The following PKHD1 variants were observed in gnomAD, a reference collection of about 807,000 sequenced individuals.
PKHD1 encodes PKHD1 ciliary IPT domain containing fibrocystin/polyductin.
Under a neutral mutation model 412.0 loss-of-function variants are expected in PKHD1, and 291 were observed. The ratio of observed to expected loss-of-function variants is 0.71; its 90% confidence interval spans 0.64 to 0.78. PKHD1 has a LOEUF of 0.78. Among genes scored for constraint, PKHD1 ranks in the 30% least tolerant of loss-of-function variants. The probability of loss-of-function intolerance (pLI) is 0.00; values close to 1 mark genes in which losing one functional copy is unlikely to be tolerated. For synonymous variants in PKHD1, 1,777 were observed against 1,821.5 expected, an observed-to-expected ratio of 0.98 and a Z score of 0.62; for missense variants, 4,825 against 4,950.7, an observed-to-expected ratio of 0.97 and a Z score of 0.76.
At chr6:52,052,013 T>C (rs1235908470) in intron 21 of PKHD1, among the ~76,000 whole-genome samples, 2 of 152,210 alleles carry the variant, frequency 1.3e-5, no homozygotes, top group East Asian at 1.9e-4. Context: ...TCAAAGATGA[T>C]GTAATTTCAA....
At chr6:51,703,767 AC>A (rs2150719122) in intron 60 of PKHD1, among the ~76,000 whole-genome samples, 1 of 152,092 alleles carries the variant, frequency 6.6e-6, no homozygotes, top group Admixed American at 6.6e-5. Flanking sequence ...AATCTTGCAA[AC>A]TTTTCTCTTC....
intron 52 of PKHD1, among the ~76,000 whole-genome samples, chr6:51,800,998 G>A (rs9395723): frequency 0.35 from 52,530 of 151,950 alleles, 11,177 homozygotes; most frequent in East Asian, 0.68. Flanking sequence ...TATTAAATAT[G>A]TGAACCAAAG....
chr6:51,986,120 T>C (rs1317725733), intron 35 of PKHD1, among the ~76,000 whole-genome samples: 3 of 152,196 alleles, frequency 2.0e-5, no homozygotes, highest in Admixed American at 2.0e-4. Flanking sequence ...GTTATAATGA[T>C]TTCAAGTTAA....
At chr6:51,812,282 T>C (rs1043035998) in intron 52 of PKHD1, among the ~76,000 whole-genome samples, 1 of 152,168 alleles carries the variant, frequency 6.6e-6, no homozygotes, top group African/African-American at 2.4e-5. Flanking sequence ...CCATTGACTT[T>C]TATGCATGCT....
intron 55 of PKHD1, among the ~76,000 whole-genome samples, chr6:51,757,767 C>A (rs1430008139): frequency 2.0e-5 from 3 of 151,880 alleles, no homozygotes; most frequent in African/African-American, 7.3e-5. Context: ...CTTTGGGAAG[C>A]CAAGACAGGA....
At position 52,066,473 on chromosome 6, in the gene PKHD1, T is replaced by A. The variant is rs1235938963; in HGVS notation, c.779-396A>T. Among the ~76,000 whole-genome samples the A allele has an allele frequency of 2.6e-5, 4 of 152,160 alleles. No individual in the cohort carries two copies. The East Asian group carries it at 7.7e-4, about 29-fold the overall frequency. Reference sequence around the variant, plus strand: ...AAAGGCTTCAGTTCACCCATATGAATCTGTAATTTGCTCTAAGCAGAAGAA... The same window carrying A: ...AAAGGCTTCAGTTCACCCATATGAAACTGTAATTTGCTCTAAGCAGAAGAA... On this transcript the variant is annotated intron_variant, in intron 11 of 66. Transcript: ENST00000371117.
At chr6:52,006,595 T>C (rs1182619455) in intron 35 of PKHD1, among the ~76,000 whole-genome samples, 2 of 152,166 alleles carry the variant, frequency 1.3e-5, no homozygotes, top group African/African-American at 4.8e-5. Flanking sequence ...CAGGCTTGTC[T>C]CGAACTCCTG....
At position 51,747,788 on chromosome 6, in the gene PKHD1, T is replaced by C. The variant is rs1424259969; in HGVS notation, c.9828A>G (p.Gln3276=). 6.2e-7 allele frequency: 1 copy of C among 1,612,678 alleles called. No individual in the cohort carries two copies. Among genetic ancestry groups the C allele is most frequent in the East Asian group, 2.2e-5 (1 of 44,870 alleles). The change falls in exon 58 of 67, where the codon CAA becomes CAG. Residue 3276 remains glutamine, a splice_region_variant and synonymous_variant. Coordinates refer to ENST00000371117, the MANE Select transcript of PKHD1 (RefSeq NM_138694.4). ...CCTAGATAAAATAAAACATCCTACC[T>C]TGAAGTTTCATGATTCCTGAAATTG... ...DHSISGIMKL[Q]DVTFSSFVKS...
At chr6:51,745,281 A>G (rs959965270) in intron 59 of PKHD1, among the ~76,000 whole-genome samples, 1 of 152,202 alleles carries the variant, frequency 6.6e-6, no homozygotes, top group East Asian at 1.9e-4. Context: ...TTAATGAAAC[A>G]GTATTAAGAA....
At chr6:51,759,676 C>A (rs908075230) in intron 55 of PKHD1, among the ~76,000 whole-genome samples, 3 of 152,140 alleles carry the variant, frequency 2.0e-5, no homozygotes, top group Admixed American at 2.0e-4. Context: ...CCGATTGCCA[C>A]AATAGCTGCC....
chr6:51,855,833 C>G (rs546209830), intron 49 of PKHD1, 60 bp downstream of exon 49: 234 of 1,319,210 alleles, frequency 1.8e-4, no homozygotes, highest in Admixed American at 2.3e-4. Flanking sequence ...TTATCTCAAA[C>G]AAAGAAAGAT....
At chr6:51,736,522 C>T (rs1271506413) in intron 60 of PKHD1, among the ~76,000 whole-genome samples, 2 of 152,110 alleles carry the variant, frequency 1.3e-5, no homozygotes, top group African/African-American at 2.4e-5. Flanking sequence ...TCTGAGACTC[C>T]ACTGTGCCTT....
In PKHD1 at chr6:52,012,642, G is replaced by A. The variant is rs148665213; in HGVS notation, c.5601-2183C>T. ...TGATGGAATCAAATGCAAAATTCAC[G>A]CAGACTTTTAAAACACCTCACTTCA... On this transcript the variant is annotated intron_variant, in intron 34 of 66. Transcript: ENST00000371117. Among the ~76,000 whole-genome samples, 47 of 152,290 alleles carry A rather than the reference G, an allele frequency of 3.1e-4. No homozygotes were observed. In the East Asian group the frequency reaches 8.9e-3, roughly 29 times the overall value.
intron 60 of PKHD1, among the ~76,000 whole-genome samples, chr6:51,689,137 G>C (rs1777832512): frequency 6.6e-6 from 1 of 152,068 alleles, no homozygotes; most frequent in Non-Finnish European, 1.5e-5. Flanking sequence ...CACATCAAAA[G>C]CTTATCCATC....
chr6:51,834,294 G>T (rs1768794535), intron 51 of PKHD1, among the ~76,000 whole-genome samples: 1 of 152,172 alleles, frequency 6.6e-6, no homozygotes, highest in African/African-American at 2.4e-5. Flanking sequence ...CTTTGAACAA[G>T]ACTAGGGCTG....
At chr6:51,967,638 TTGTG>T (rs111737273) in intron 35 of PKHD1, among the ~76,000 whole-genome samples, 1 of 136,800 alleles carries the variant, frequency 7.3e-6, no homozygotes. Context: ...GTGTGGGAAG[TTGTG>T]TGTGTGTGTG....
rs115948151 is a variant in PKHD1 at position 51,867,468 on chromosome 6, T to C, written c.7733+395A>G. ...CAGCAATTGCTTCCCTGGAGCATAT[T>C]GAACACTTAAAAAGAGCTTGGGAAG... On this transcript the variant is annotated intron_variant, in intron 48 of 66. Coordinates refer to ENST00000371117, the MANE Select transcript of PKHD1 (RefSeq NM_138694.4). Among the ~76,000 whole-genome samples, 1,201 of 152,264 alleles carry C rather than the reference T, an allele frequency of 7.9e-3. 20 individuals carry two copies. Among genetic ancestry groups the C allele is most frequent in the African/African-American group, 0.028 (1,149 of 41,556 alleles).
chr6:52,085,146 C>G (rs1228647631), intron 1 of PKHD1, 129 bp from the exon 2 acceptor site: 5 of 533,314 alleles, frequency 9.4e-6, no homozygotes, highest in Admixed American at 6.3e-5. Context: ...ATGGAGCCAC[C>G]ATTTTTCCAA....
intron 47 of PKHD1, among the ~76,000 whole-genome samples, chr6:51,869,194 C>CTGG (rs988108498): frequency 2.6e-5 from 4 of 152,092 alleles, no homozygotes; most frequent in Non-Finnish European, 5.9e-5. Flanking sequence ...TTCAGTCATA[C>CTGG]TGGACTTCTT....
Sources: gnomAD v4.1 joint callset for allele counts (sites outside exome capture counted in the v4.1 genomes callset) on GRCh38, gnomAD v4.1.1 for gene constraint, MANE v1.5 for transcripts, NCBI Gene and HGNC (gene_info 2026-07-23, HGNC 2026-07-21) for gene names.